Variants in BPIFB4 observed in about 807,000 individuals in gnomAD.
The protein encoded by BPIFB4 is BPI fold-containing family B member 4.
In BPIFB4, 62 loss-of-function variants were observed where a neutral mutation model predicts 69.2. The observed-to-expected ratio is 0.90, with a 90% confidence interval of 0.73 to 1.11. The LOEUF is 1.11. Ranked by LOEUF, BPIFB4 falls within the 50% of genes least tolerant of loss-of-function variation. BPIFB4 has a pLI of 0.00. For missense variants in BPIFB4, 789 were observed against 792.0 expected, an observed-to-expected ratio of 1.00 and a Z score of 0.04; for synonymous variants, 330 against 332.7, an observed-to-expected ratio of 0.99 and a Z score of 0.09.
At chr20:33,100,893 G>A (rs1387608353) in intron 14 of BPIFB4, among the ~76,000 whole-genome samples, 1 of 140,330 alleles carries the variant, frequency 7.1e-6, no homozygotes, top group Non-Finnish European at 1.6e-5. Context: ...CACACGTGTA[G>A]TCCTAGAAAA....
In BPIFB4 at chr20:33,111,702, C is replaced by T. The variant is rs1489988286; in HGVS notation, c.*265C>T. 3.7e-5 allele frequency: 18 copies of T among 485,104 alleles called. No individual in the cohort carries two copies. Among genetic ancestry groups the T allele is most frequent in the Admixed American group, 9.5e-5 (3 of 31,470 alleles). The allele number at this position is 485,104 out of a possible 1,614,324, so 30.0% of individuals were successfully genotyped here. On this transcript the variant is annotated 3_prime_UTR_variant, in exon 18 of 18. Coordinates refer to ENST00000375483, the MANE Select transcript of BPIFB4 (RefSeq NM_182519.3). Reference sequence around the variant, plus strand: ...GGAGGCCTCTCAGACCCCATCCTGACAGCAGGTTGAGTATTCCCACTTTCA... The same window carrying T: ...GGAGGCCTCTCAGACCCCATCCTGATAGCAGGTTGAGTATTCCCACTTTCA...
At position 33,111,635 on chromosome 20, in the gene BPIFB4, C is replaced by T. The variant is rs558939134; in HGVS notation, c.*198C>T. ...CTACCCTGTTGGCAAACATTCCCTT[C>T]CATGGTCAGCCTGCCAGGAGGAGGG... On this transcript the variant is annotated 3_prime_UTR_variant, in exon 18 of 18. Transcript: ENST00000375483. 2.4e-4 allele frequency: 150 copies of T among 626,914 alleles called. No homozygotes were observed. Among genetic ancestry groups the T allele is most frequent in the Middle Eastern group, 4.4e-4 (1 of 2,286 alleles). The allele number at this position is 626,914 out of a possible 1,614,324, so 38.8% of individuals were successfully genotyped here.
At chr20:33,105,170 A>T (rs369900010) in intron 16 of BPIFB4, among the ~76,000 whole-genome samples, 8 of 152,198 alleles carry the variant, frequency 5.3e-5, no homozygotes, top group South Asian at 4.2e-4. Context: ...AAAACAATTT[A>T]AAAAAAACTC....
intron 13 of BPIFB4, among the ~76,000 whole-genome samples, chr20:33,099,205 C>T (rs1348564188): frequency 1.3e-5 from 2 of 152,150 alleles, no homozygotes; most frequent in African/African-American, 4.8e-5. Flanking sequence ...TCCTGCTAGT[C>T]CCTCCTACTC....
At chr20:33,100,380 C>G in intron 13 of BPIFB4, 46 bp from the exon 14 acceptor site, 1 of 1,502,292 alleles carries the variant, frequency 6.7e-7, no homozygotes, top group Non-Finnish European at 9.2e-7. Flanking sequence ...AAGCACTGGC[C>G]AAGACATGAA....
At position 33,107,734 on chromosome 20, in the gene BPIFB4, T is replaced by C; in HGVS notation, c.1745-10T>C. 6.2e-7 allele frequency: 1 copy of C among 1,612,202 alleles called. No homozygotes were observed. ...CCACTGACCATGTCTGACTGTTTTT[T>C]ATTTTACAGCTGTGCTGGGTTCTGG... On this transcript the variant is annotated splice_polypyrimidine_tract_variant and intron_variant, in intron 16 of 17. Transcript: ENST00000375483.
chr20:33,099,932 AG>A (rs1981861102), intron 13 of BPIFB4, among the ~76,000 whole-genome samples: 1 of 152,112 alleles, frequency 6.6e-6, no homozygotes, highest in Non-Finnish European at 1.5e-5. Context: ...ACTTGGAGAG[AG>A]AGAGAGAGAT....
rs781538697 is a variant in BPIFB4, at chr20:33,097,709, G to A, written c.1491G>A (p.Leu497=). The A allele has an allele frequency of 1.9e-6, 3 of 1,614,168 alleles. No individual in the cohort carries two copies. In the South Asian group the frequency reaches 3.3e-5, roughly 18 times the overall value. ...PSVMLQKDKA[L]VKVLATAEVM... ...TGATGCTGCAGAAGGACAAAGCGCT[G>A]GTGAAGGTGTTGGCCACTGCCGAGG... Residue 497 remains leucine, a synonymous_variant, in exon 13 of 18, where the codon CTG becomes CTA. Transcript: ENST00000375483.
In BPIFB4 at chr20:33,083,469, A is replaced by T. The variant is rs1981308377; in HGVS notation, c.272A>T (p.Glu91Val). Reference protein sequence around the residue: ...LDGIYQYGHIETNDNTAQLGG... With the variant: ...LDGIYQYGHIVTNDNTAQLGG... ...GGTATTTACCAGTATGGTCACATTG[A>T]GACCAACGACAACACTGCTCAGCTG... is the stretch of plus-strand genomic sequence containing the variant. Residue 91 changes from glutamate (E) to valine (V), a missense_variant, in exon 5 of 18, where the codon GAG (glutamate) becomes GTG (valine). Glu to Val is a moderately radical substitution (Grantham distance 121). This residue lies in a region of BPIFB4 where 611 missense variants were observed against 575.4 expected (regional missense o/e 1.06). Transcript: ENST00000375483. 6.2e-7 allele frequency: 1 copy of T among 1,613,756 alleles called. No individual in the cohort carries two copies. The highest frequency in any genetic ancestry group is 2.2e-5 in the East Asian group (1 of 44,876).
intron 12 of BPIFB4, among the ~76,000 whole-genome samples, chr20:33,095,572 G>A (rs974654747): frequency 6.6e-5 from 10 of 152,280 alleles, no homozygotes; most frequent in African/African-American, 2.2e-4. Flanking sequence ...AGGCACACTC[G>A]GGTGCACAGC....
chr20:33,102,007 G>A (rs554490810), intron 14 of BPIFB4, among the ~76,000 whole-genome samples: 3 of 152,260 alleles, frequency 2.0e-5, no homozygotes, highest in African/African-American at 7.2e-5. Flanking sequence ...GCAGTTACTC[G>A]TGATTAATAT....
At chr20:33,098,473 G>A (rs1020275416) in intron 13 of BPIFB4, among the ~76,000 whole-genome samples, 3 of 152,088 alleles carry the variant, frequency 2.0e-5, no homozygotes, top group Admixed American at 2.0e-4. Flanking sequence ...GGCCAGGCAT[G>A]GTGGCTCACA....
intron 1 of BPIFB4, among the ~76,000 whole-genome samples, chr20:33,079,958 C>T (rs2146399727): frequency 6.6e-6 from 1 of 152,310 alleles, no homozygotes; most frequent in South Asian, 2.1e-4. Context: ...AGGGCCTTTG[C>T]TACCTCCTGG....
chr20:33,102,975 C>G lies in BPIFB4; in HGVS notation c.1641C>G (p.Thr547=). ...KLMIDAKLEK[T]SLNLRTSNVG... is the part of the protein sequence containing the mutation. ...AGGCTGTTTTCTTCGTCTACAGGAC[C>G]AGCCTCAACCTCAGAACCTCAAACG... Residue 547 remains threonine (T), a synonymous_variant, in exon 15 of 18, where the codon ACC becomes ACG. Transcript: ENST00000375483. The G allele has an allele frequency of 6.2e-7, 1 of 1,614,062 alleles. No homozygotes were observed. Among genetic ancestry groups the G allele is most frequent in the Non-Finnish European group, 8.5e-7 (1 of 1,179,944 alleles).
rs752860828 is a variant in BPIFB4, at chr20:33,083,700, C to G, written c.503C>G (p.Pro168Arg). 6.2e-7 allele frequency: 1 copy of G among 1,614,012 alleles called. No individual in the cohort carries two copies. Among genetic ancestry groups the G allele is most frequent in the African/African-American group, 1.3e-5 (1 of 75,014 alleles). ...PPGVATGAVG[P>R]GGLLGTGGML... ...GGAGTTGCCACTGGGGCGGTGGGCC[C>G]AGGTGGTTTGCTGGGCACTGGAGGC... Residue 168 changes from proline to arginine, a missense_variant, in exon 5 of 18, where the codon CCA becomes CGA. Physicochemically the swap from Pro to Arg is moderately radical, Grantham distance 103. Around this residue, in one of 3 missense-constraint regions of BPIFB4, gnomAD observed 611 missense variants for 575.4 expected, o/e 1.06. Coordinates refer to ENST00000375483, the MANE Select transcript of BPIFB4 (RefSeq NM_182519.3).
At chr20:33,110,773 T>C (rs986772896) in intron 17 of BPIFB4, among the ~76,000 whole-genome samples, 5 of 150,914 alleles carry the variant, frequency 3.3e-5, no homozygotes, top group African/African-American at 4.9e-5. Flanking sequence ...TTTTGGTCTA[T>C]GGGTTATCAT....
intron 6 of BPIFB4, 81 bp downstream of exon 6, chr20:33,085,077 C>G: frequency 1.3e-6 from 2 of 1,529,106 alleles, no homozygotes; most frequent in South Asian, 1.2e-5. Context: ...CTAGGAAGAC[C>G]TAAACTTCTG....
chr20:33,104,081 A>T (rs374750484), intron 15 of BPIFB4, among the ~76,000 whole-genome samples: 11 of 152,318 alleles, frequency 7.2e-5, no homozygotes, highest in African/African-American at 2.4e-4. Context: ...TGCCCAAGGC[A>T]ACAGAGCTAG....
chr20:33,097,652 C>T lies in BPIFB4; in HGVS notation c.1434C>T (p.Ile478=). The T allele has an allele frequency of 6.2e-7, 1 of 1,614,160 alleles. No homozygotes were observed. Reference sequence around the variant, plus strand: ...AGTACCCCGAGTCCTGCCCACTTATCATCAGGATCCAGGTGCTGAACCCAC... The same window carrying T: ...AGTACCCCGAGTCCTGCCCACTTATTATCAGGATCCAGGTGCTGAACCCAC... ...FQQYPESCPL[I]IRIQVLNPPS... is the part of the protein sequence containing the mutation. The change falls in exon 13 of 18, where the codon ATC becomes ATT. Residue 478 remains isoleucine (I), a synonymous_variant. Transcript: ENST00000375483.
Sources: gnomAD v4.1 joint callset for allele counts (sites outside exome capture counted in the v4.1 genomes callset) on GRCh38, gnomAD v4.1.1 for gene constraint, gnomAD v4.1.1 regional missense constraint, MANE v1.5 for transcripts, NCBI Gene and HGNC (gene_info 2026-07-23, HGNC 2026-07-21) for gene names.